Variants in HACL2 observed in about 807,000 individuals in gnomAD.
HACL2 encodes 2-hydroxyacyl-CoA lyase 1 like.
At chr19:15,117,840 G>T in the HACL2 span, 6 of 1,610,316 alleles carry the variant, frequency 3.7e-6, no homozygotes, top group Non-Finnish European at 5.1e-6. Flanking sequence ...GAGAGGGACT[G>T]GGAGGAGCAC....
chr19:15,119,032 A>C, the HACL2 span: 9 of 975,922 alleles, frequency 9.2e-6, no homozygotes, highest in African/African-American at 1.6e-5. Flanking sequence ...GGTTGGGTTC[A>C]AAGCGCTTTA....
chr19:15,125,158 G>C, the HACL2 span: 1 of 1,283,552 alleles, frequency 7.8e-7, no homozygotes, highest in Admixed American at 2.8e-5. Context: ...AGGATCCAGG[G>C]CCACGACCCT....
chr19:15,115,415 G>A, the HACL2 span: 1 of 1,613,594 alleles, frequency 6.2e-7, no homozygotes, highest in Non-Finnish European at 8.5e-7. Flanking sequence ...CAGACCCATG[G>A]CTGCCTTGTG....
chr19:15,122,447 G>A, the HACL2 span, among the ~76,000 whole-genome samples: 9 of 152,078 alleles, frequency 5.9e-5, no homozygotes, highest in African/African-American at 9.7e-5. The surrounding 1 kb of genome is among the most constrained non-coding windows in gnomAD (Gnocchi z 4.0). Flanking sequence ...GGAAAAGGAG[G>A]AGGAGGAGGG....
At chr19:15,116,238 G>A in the HACL2 span, 2 of 1,613,962 alleles carry the variant, frequency 1.2e-6, no homozygotes, top group Non-Finnish European at 1.7e-6. Flanking sequence ...CACCAGAATT[G>A]AGTTGTCAGG....
chr19:15,115,780 C>G, the HACL2 span: 1 of 1,579,156 alleles, frequency 6.3e-7, no homozygotes, highest in South Asian at 1.1e-5. Flanking sequence ...TCCCTCCCCA[C>G]CTCAGCCCAC....
the HACL2 span, chr19:15,115,400 G>A: frequency 1.2e-6 from 2 of 1,613,792 alleles, no homozygotes; most frequent in African/African-American, 1.3e-5. Context: ...CAAGCCCCGG[G>A]CCCCCAGACC....
chr19:15,121,798 C>T, the HACL2 span, among the ~76,000 whole-genome samples: 5 of 127,110 alleles, frequency 3.9e-5, no homozygotes, highest in Admixed American at 1.7e-4. Flanking sequence ...GGCAACAGAA[C>T]GAAGAATCTG....
the HACL2 span, chr19:15,116,114 G>A: frequency 6.2e-7 from 1 of 1,613,216 alleles, no homozygotes; most frequent in East Asian, 2.2e-5. Flanking sequence ...CGTCCTGATG[G>A]ATGGTGCCCA....
the HACL2 span, chr19:15,117,950 C>T: frequency 1.9e-5 from 31 of 1,614,000 alleles, no homozygotes; most frequent in African/African-American, 5.3e-5. Flanking sequence ...TTACGATTGA[C>T]GATGATGATC....
the HACL2 span, chr19:15,122,754 CCATGAAGTAGGGGTACAG>C: frequency 2.5e-6 from 4 of 1,614,168 alleles, no homozygotes; most frequent in Non-Finnish European, 3.4e-6. The surrounding 1 kb of genome is among the most constrained non-coding windows in gnomAD (Gnocchi z 4.0). Context: ...TCCTTCTGGA[CCATGAAGTAGGGGTACAG>C]CACGTCAACG....
chr19:15,117,800 G>A, the HACL2 span: 1 of 1,558,794 alleles, frequency 6.4e-7, no homozygotes. Context: ...ACTGTACCAG[G>A]CTCAAGCCAG....
the HACL2 span, chr19:15,115,914 C>A: frequency 6.2e-7 from 1 of 1,614,178 alleles, no homozygotes; most frequent in Non-Finnish European, 8.5e-7. Flanking sequence ...CCCAAACAGG[C>A]ACCAGACCTA....
chr19:15,119,914 AG>A, the HACL2 span: 1 of 1,066,396 alleles, frequency 9.4e-7, no homozygotes, highest in Non-Finnish European at 1.3e-6. Context: ...ACTCAGGGAG[AG>A]GGTCAGGGGG....
the HACL2 span, among the ~76,000 whole-genome samples, chr19:15,121,205 G>A: frequency 6.6e-6 from 1 of 152,180 alleles, no homozygotes; most frequent in Non-Finnish European, 1.5e-5. Context: ...GTTGCAGTGA[G>A]CCAAGATCGC....
chr19:15,124,589 G>A, the HACL2 span: 2 of 327,034 alleles, frequency 6.1e-6, no homozygotes, highest in Non-Finnish European at 5.7e-6. Context: ...CCCCTCGCTG[G>A]AGCCTGCCCT....
At chr19:15,122,262 C>A in the HACL2 span, among the ~76,000 whole-genome samples, 1 of 152,008 alleles carries the variant, frequency 6.6e-6, no homozygotes, top group Non-Finnish European at 1.5e-5. This position sits in a 1 kb window ranked among gnomAD's most constrained non-coding sequence, Gnocchi z 4.0. Context: ...CCTTTCTGAG[C>A]TTCCTCCTCT....
the HACL2 span, chr19:15,119,945 G>C: frequency 1.4e-6 from 2 of 1,424,638 alleles, no homozygotes; most frequent in East Asian, 2.5e-5. Flanking sequence ...CTCAGGGAGA[G>C]GGTAGGGTCC....
At chr19:15,122,472 T>C in the HACL2 span, among the ~76,000 whole-genome samples, 1 of 151,980 alleles carries the variant, frequency 6.6e-6, no homozygotes, top group Non-Finnish European at 1.5e-5. This position sits in a 1 kb window ranked among gnomAD's most constrained non-coding sequence, Gnocchi z 4.0. Context: ...CCTGAGCCTC[T>C]CCCCTTTGCT....
Sources: gnomAD v4.1 joint callset for allele counts (sites outside exome capture counted in the v4.1 genomes callset) on GRCh38, gnomAD v4.1.1 for gene constraint, Gnocchi (gnomAD v3.1) non-coding constraint, MANE v1.5 for transcripts, NCBI Gene and HGNC (gene_info 2026-07-23, HGNC 2026-07-21) for gene names.